RPH3A: variants seen among roughly 807,000 people sequenced by gnomAD.
RPH3A encodes the protein rabphilin 3A.
Under a neutral mutation model 102.2 loss-of-function variants are expected in RPH3A, and 48 were observed. That is an observed-to-expected ratio of 0.47 (90% CI 0.37 to 0.60). The LOEUF is 0.60. Ranked by LOEUF, RPH3A falls within the 20% of genes least tolerant of loss-of-function variation. The pLI, the probability that RPH3A is intolerant of heterozygous loss-of-function variation, is 0.00. For missense variants in RPH3A, 781 were observed against 910.1 expected (o/e 0.86, Z 1.83); for synonymous variants, 310 against 324.3 (o/e 0.96, Z 0.47).
chr12:112,811,882 A>T (rs549690398), intron 2 of RPH3A, among the ~76,000 whole-genome samples: 14 of 152,268 alleles, frequency 9.2e-5, no homozygotes, highest in Admixed American at 3.3e-4. Flanking sequence ...AGGGTCCCGC[A>T]CATGGTGGAG....
chr12:112,713,452 A>G (rs948113995), intron 1 of RPH3A, among the ~76,000 whole-genome samples: 1 of 152,168 alleles, frequency 6.6e-6, no homozygotes, highest in Non-Finnish European at 1.5e-5. Flanking sequence ...AGTGTGTAGA[A>G]AAGAGAGCAT....
chr12:112,636,271 C>A (rs961162239), intron 1 of RPH3A, among the ~76,000 whole-genome samples: 1 of 152,086 alleles, frequency 6.6e-6, no homozygotes, highest in African/African-American at 2.4e-5. Flanking sequence ...AAAACAGGAC[C>A]CAGAAATCAC....
At chr12:112,825,052 G>A (rs894865082) in intron 2 of RPH3A, among the ~76,000 whole-genome samples, 4 of 152,144 alleles carry the variant, frequency 2.6e-5, no homozygotes, top group Admixed American at 6.5e-5. Flanking sequence ...GCTCATTCTC[G>A]GGGACTGAGC....
At chr12:112,835,655 CT>C (rs1206189788) in intron 3 of RPH3A, among the ~76,000 whole-genome samples, 1 of 152,164 alleles carries the variant, frequency 6.6e-6, no homozygotes, top group Non-Finnish European at 1.5e-5. Flanking sequence ...TGGTGGTGAA[CT>C]AATGCAGACA....
chr12:112,853,250 C>T (rs540969728), intron 5 of RPH3A, among the ~76,000 whole-genome samples: 2 of 152,318 alleles, frequency 1.3e-5, no homozygotes, highest in Admixed American at 1.3e-4. Flanking sequence ...GTCATACTCT[C>T]CTCTTTCTAA....
At chr12:112,849,328 G>C (rs1467566542) in intron 5 of RPH3A, among the ~76,000 whole-genome samples, 3 of 152,110 alleles carry the variant, frequency 2.0e-5, no homozygotes, top group African/African-American at 7.2e-5. Context: ...AGGTCTGAGA[G>C]GCTTGCTTAT....
chr12:112,726,651 T>G (rs1178938424), intron 1 of RPH3A, among the ~76,000 whole-genome samples: 1 of 152,242 alleles, frequency 6.6e-6, no homozygotes, highest in Non-Finnish European at 1.5e-5. Flanking sequence ...GTTTCTCTTA[T>G]TCCTAAGATT....
intron 1 of RPH3A, among the ~76,000 whole-genome samples, chr12:112,664,951 G>T (rs569731294): frequency 6.6e-6 from 1 of 151,456 alleles, no homozygotes; most frequent in Admixed American, 6.6e-5. Flanking sequence ...TGGCGGGGGT[G>T]GGGGGGATAA....
intron 2 of RPH3A, among the ~76,000 whole-genome samples, chr12:112,809,749 C>T (rs1200811986): frequency 6.6e-6 from 1 of 152,170 alleles, no homozygotes; most frequent in Non-Finnish European, 1.5e-5. Flanking sequence ...AGAGCCAGGA[C>T]TAGCCCCTGT....
chr12:112,589,926 T>G (rs1037622062), intron 1 of RPH3A, among the ~76,000 whole-genome samples: 1 of 151,984 alleles, frequency 6.6e-6, no homozygotes, highest in Non-Finnish European at 1.5e-5. Flanking sequence ...CTACTAAAAA[T>G]ATAAAAATTA....
chr12:112,594,081 T>G (rs2039497804), intron 1 of RPH3A, among the ~76,000 whole-genome samples: 1 of 152,244 alleles, frequency 6.6e-6, no homozygotes, highest in Non-Finnish European at 1.5e-5. Flanking sequence ...ATAAAGACAG[T>G]CAGGAAACTT....
At chr12:112,763,136 T>C (rs1357960148) in intron 1 of RPH3A, among the ~76,000 whole-genome samples, 2 of 152,230 alleles carry the variant, frequency 1.3e-5, no homozygotes, top group Non-Finnish European at 2.9e-5. Flanking sequence ...CCACAATTCA[T>C]AGAATTTTAA....
intron 1 of RPH3A, among the ~76,000 whole-genome samples, chr12:112,770,829 G>A (rs527541965): frequency 6.6e-6 from 1 of 152,344 alleles, no homozygotes; most frequent in Non-Finnish European, 1.5e-5. Flanking sequence ...TACCCCCAAC[G>A]GTAGTGTGGT....
At chr12:112,654,436 C>A (rs757017635) in intron 1 of RPH3A, among the ~76,000 whole-genome samples, 2 of 151,520 alleles carry the variant, frequency 1.3e-5, no homozygotes, top group Non-Finnish European at 2.9e-5. Flanking sequence ...TGCTCCAGTT[C>A]CAACTTCTCA....
chr12:112,866,326 C>T (rs1257789594), intron 6 of RPH3A, among the ~76,000 whole-genome samples: 1 of 152,216 alleles, frequency 6.6e-6, no homozygotes, highest in Non-Finnish European at 1.5e-5. Context: ...TATTTCATCA[C>T]ACAGCCATGG....
chr12:112,640,401 C>A (rs940608392), intron 1 of RPH3A, among the ~76,000 whole-genome samples: 1 of 135,978 alleles, frequency 7.4e-6, no homozygotes, highest in Non-Finnish European at 1.5e-5. Flanking sequence ...ATGACCTTAA[C>A]CACTGTACTA....
chr12:112,828,213 A>C, intron 2 of RPH3A, 88 bp from the exon 3 acceptor site: 2 of 871,528 alleles, frequency 2.3e-6, no homozygotes, highest in Non-Finnish European at 3.8e-6. Context: ...TCTCTATCCC[A>C]CTGGGTGTGT....
intron 1 of RPH3A, among the ~76,000 whole-genome samples, chr12:112,612,454 A>G (rs2039645993): frequency 6.7e-6 from 1 of 149,838 alleles, no homozygotes; most frequent in African/African-American, 2.5e-5. Context: ...TAAACTTTTC[A>G]CCTGTGATTG....
intron 2 of RPH3A, among the ~76,000 whole-genome samples, chr12:112,827,123 G>A (rs1156414079): frequency 6.6e-6 from 1 of 151,974 alleles, no homozygotes; most frequent in African/African-American, 2.4e-5. Context: ...ACAATTCCGT[G>A]GCTTTTAGTA....
Sources: allele counts gnomAD v4.1 joint callset (sites outside exome capture counted in the v4.1 genomes callset), GRCh38; gene constraint gnomAD v4.1.1; transcripts MANE v1.5; gene names NCBI Gene and HGNC (gene_info 2026-07-23, HGNC 2026-07-21).